MCTP2: variants seen among roughly 807,000 people sequenced by gnomAD.
MCTP2 encodes the protein multiple C2 and transmembrane domain-containing protein 2.
Under a neutral mutation model 111.6 loss-of-function variants are expected in MCTP2, and 132 were observed. The observed-to-expected ratio is 1.18, with a 90% CI of 1.03 to 1.37. The LOEUF is 1.37. Among genes scored for constraint, MCTP2 ranks in the 40% most tolerant of loss-of-function variants. The probability of loss-of-function intolerance (pLI) is 0.00; values close to 1 mark genes in which losing one functional copy is unlikely to be tolerated. For missense variants in MCTP2, 1,183 were observed against 1,067.9 expected (o/e 1.11, Z -1.50); for synonymous variants, 395 against 387.7 (o/e 1.02, Z -0.22).
chr15:94,315,861 G>C (rs1297344996), intron 4 of MCTP2, among the ~76,000 whole-genome samples: 1 of 152,214 alleles, frequency 6.6e-6, no homozygotes, highest in Non-Finnish European at 1.5e-5. Flanking sequence ...ATCATCACGT[G>C]AAGTTGTTTT....
At chr15:94,265,284 C>T (rs558471869) in intron 1 of MCTP2, among the ~76,000 whole-genome samples, 3 of 152,202 alleles carry the variant, frequency 2.0e-5, no homozygotes, top group South Asian at 4.2e-4. Flanking sequence ...ACTCTAAGTG[C>T]AGAAAAAGGC....
intron 10 of MCTP2, among the ~76,000 whole-genome samples, chr15:94,359,160 C>A (rs1469806350): frequency 6.6e-6 from 1 of 152,058 alleles, no homozygotes; most frequent in African/African-American, 2.4e-5. Context: ...GTGAAAAATA[C>A]AATGAAATGA....
In MCTP2 at chr15:94,367,659, G is replaced by T. The variant is rs1183989582; in HGVS notation, c.1356G>T (p.Leu452=). 3.1e-6 allele frequency: 5 copies of T among 1,611,752 alleles called. No homozygotes were observed. The highest frequency in any genetic ancestry group is 3.3e-5 in the Admixed American group (2 of 59,746). Residue 452 remains leucine, a synonymous_variant, in exon 11 of 23, where the codon CTG becomes CTT. Transcript: ENST00000357742. ...LPLKQANCLE[L]PLDSCLGALL... ...TGAAGCAAGCCAACTGCCTGGAGCTGCCACTGGACAGCTGTCTGGGGGCTC... is the reference window on the plus strand; with the variant it reads ...TGAAGCAAGCCAACTGCCTGGAGCTTCCACTGGACAGCTGTCTGGGGGCTC...
chr15:94,238,701 A>G (rs1475735856), intron 1 of MCTP2, among the ~76,000 whole-genome samples: 1 of 152,210 alleles, frequency 6.6e-6, no homozygotes, highest in Non-Finnish European at 1.5e-5. Context: ...GGTGAGGGAC[A>G]GGGTGCTATG....
intron 8 of MCTP2, chr15:94,355,892 C>A (rs984505391): frequency 1.3e-5 from 14 of 1,055,416 alleles, no homozygotes; most frequent in Middle Eastern, 8.7e-4. Context: ...GGAGTACCGG[C>A]CAGTGCCAAG....
Position 94,402,036 on chromosome 15 carries a change from A to G in MCTP2, c.2085+17A>G. 4 of 1,608,234 alleles carry G rather than the reference A, an allele frequency of 2.5e-6. No homozygotes were observed. The highest frequency in any genetic ancestry group is 2.5e-6 in the Non-Finnish European group (3 of 1,178,030). Reference sequence around the variant, plus strand: ...GCATTCGCGGTAAGCTTCCTTTCTTATGTTCAAACTATTTGCTTCTTATTT... The same window carrying G: ...GCATTCGCGGTAAGCTTCCTTTCTTGTGTTCAAACTATTTGCTTCTTATTT... On this transcript the variant is annotated intron_variant, in intron 17 of 22. Coordinates refer to ENST00000357742, the MANE Select transcript of MCTP2 (RefSeq NM_001385001.1).
Position 94,362,839 on chromosome 15 carries a change from G to A in MCTP2, c.1301+4227G>A, listed in dbSNP as rs145106881. ...ATGTGTTGAATTAAAACATTAAAACGCTGTGGGATTAATGGAGAAAGACAA... is the reference window on the plus strand; with the variant it reads ...ATGTGTTGAATTAAAACATTAAAACACTGTGGGATTAATGGAGAAAGACAA... On this transcript the variant is annotated intron_variant, in intron 10 of 22. Transcript: ENST00000357742. Among the ~76,000 whole-genome samples the A allele has an allele frequency of 2.7e-3, 405 of 152,286 alleles. 4 individuals are homozygous for A. Among genetic ancestry groups the A allele is most frequent in the African/African-American group, 9.2e-3 (381 of 41,556 alleles).
intron 17 of MCTP2, among the ~76,000 whole-genome samples, chr15:94,424,319 T>C (rs1409208245): frequency 6.7e-6 from 1 of 149,336 alleles, no homozygotes; most frequent in Non-Finnish European, 1.5e-5. Flanking sequence ...GTTTTTTGGG[T>C]TTTTTTTTTC....
intron 1 of MCTP2, among the ~76,000 whole-genome samples, chr15:94,253,517 T>C (rs2072576279): frequency 6.6e-6 from 1 of 152,198 alleles, no homozygotes; most frequent in Non-Finnish European, 1.5e-5. Context: ...GTCTAGCCTT[T>C]ATCACACTGG....
rs750376373 is a variant in MCTP2, at chr15:94,470,125, G to A, written c.2361-208G>A. Among the ~76,000 whole-genome samples the A allele has an allele frequency of 3.3e-5, 5 of 152,112 alleles. No homozygotes were observed. The South Asian group carries it at 6.2e-4, about 19-fold the overall frequency. ...CACCAATATTCTGACAAATTGAATG[G>A]CAATTGGTTTGTGACTGTCCTTTTA... On this transcript the variant is annotated intron_variant, in intron 20 of 22. Coordinates refer to ENST00000357742, the MANE Select transcript of MCTP2 (RefSeq NM_001385001.1).
At chr15:94,286,473 T>C (rs1352319853) in intron 1 of MCTP2, among the ~76,000 whole-genome samples, 2 of 152,194 alleles carry the variant, frequency 1.3e-5, no homozygotes, top group Non-Finnish European at 2.9e-5. Context: ...AGTGACTGCT[T>C]GCTAGTCTGT....
At chr15:94,308,090 T>C in intron 2 of MCTP2, among the ~76,000 whole-genome samples, 1 of 152,212 alleles carries the variant, frequency 6.6e-6, no homozygotes, top group Non-Finnish European at 1.5e-5. Context: ...GTTTCCTCTG[T>C]ATGCGAAGAG....
chr15:94,468,198 G>C (rs1292610646), intron 20 of MCTP2, among the ~76,000 whole-genome samples: 1 of 152,178 alleles, frequency 6.6e-6, no homozygotes. Context: ...CAGCTCAGGA[G>C]AAAACTAGCA....
chr15:94,429,137 C>CG (rs1273769855), intron 17 of MCTP2, among the ~76,000 whole-genome samples: 2 of 151,492 alleles, frequency 1.3e-5, no homozygotes, highest in African/African-American at 4.9e-5. Context: ...ATCCCCCTAC[C>CG]GACGTCTATG....
intron 8 of MCTP2, among the ~76,000 whole-genome samples, chr15:94,348,364 C>T (rs935788267): frequency 7.3e-6 from 1 of 136,468 alleles, no homozygotes; most frequent in Non-Finnish European, 1.6e-5. Flanking sequence ...ACTCTCCATC[C>T]CCCTTCTCTC....
rs556656048 is a variant in MCTP2, at chr15:94,251,812, G to C, written c.-66+20148G>C. On this transcript the variant is annotated intron_variant, in intron 1 of 22. Transcript: ENST00000357742. ...CTCATTGTCCTCTCCCTCTGCCCCT[G>C]ACAGCCATCATTCTACTTTCTGTCT... is the stretch of plus-strand genomic sequence containing the variant. 6.4e-4 allele frequency among the ~76,000 whole-genome samples: 98 copies of C among 152,178 alleles called. 1 individual carries two copies. The highest frequency in any genetic ancestry group is 5.6e-3 in the Admixed American group (86 of 15,288).
intron 17 of MCTP2, among the ~76,000 whole-genome samples, chr15:94,420,534 C>T (rs532010043): frequency 2.0e-5 from 3 of 151,938 alleles, no homozygotes; most frequent in East Asian, 3.9e-4. Context: ...AACATTAACA[C>T]GAGTTTAGAA....
intron 14 of MCTP2, among the ~76,000 whole-genome samples, chr15:94,386,635 T>TC (rs1476911421): frequency 3.3e-5 from 5 of 151,354 alleles, no homozygotes; most frequent in East Asian, 1.9e-4. Flanking sequence ...ATTTGGGATT[T>TC]CCCCCCCTTT....
intron 17 of MCTP2, among the ~76,000 whole-genome samples, chr15:94,437,730 G>A (rs57019339): frequency 7.2e-4 from 109 of 151,990 alleles, no homozygotes; most frequent in African/African-American, 2.6e-3. Context: ...GTATGGTTAC[G>A]AAATTATAGT....
Sources: gnomAD v4.1 joint callset for allele counts (sites outside exome capture counted in the v4.1 genomes callset) on GRCh38, gnomAD v4.1.1 for gene constraint, MANE v1.5 for transcripts, NCBI Gene and HGNC (gene_info 2026-07-23, HGNC 2026-07-21) for gene names.